The following PTPN1 variants were observed in gnomAD, a reference collection of about 807,000 sequenced individuals.
The protein encoded by PTPN1 is tyrosine-protein phosphatase non-receptor type 1.
PTPN1 carries 12 observed loss-of-function variants against 59.9 expected under a neutral mutation model. That is an observed-to-expected ratio of 0.20 (90% CI 0.13 to 0.32). PTPN1 has a LOEUF of 0.32. Among genes scored for constraint, PTPN1 ranks in the 10% least tolerant of loss-of-function variants. The pLI is 1.00. For missense variants in PTPN1, 356 were observed against 549.2 expected (o/e 0.65, Z 3.52); for synonymous variants, 178 against 203.6 (o/e 0.87, Z 1.07).
intron 1 of PTPN1, among the ~76,000 whole-genome samples, chr20:50,521,406 T>C (rs1351595282): frequency 1.3e-5 from 2 of 152,256 alleles, no homozygotes; most frequent in Non-Finnish European, 2.9e-5. Context: ...TATTATATAC[T>C]GTCAATTGGT....
In PTPN1 at chr20:50,582,846, T is replaced by C. The variant is rs1044973883; in HGVS notation, c.*131T>C. The C allele has an allele frequency of 5.3e-6, 6 of 1,129,164 alleles. No individual in the cohort carries two copies. Among genetic ancestry groups the C allele is most frequent in the Non-Finnish European group, 7.8e-6 (6 of 773,454 alleles). The allele number at this position is 1,129,164 out of a possible 1,614,324, so 69.9% of individuals were successfully genotyped here. A position where few individuals can be genotyped will look rare whatever the true frequency, so the allele number is the denominator to read the frequency against. On this transcript the variant is annotated 3_prime_UTR_variant, in exon 10 of 10. Coordinates refer to ENST00000371621, the MANE Select transcript of PTPN1 (RefSeq NM_002827.4). This position sits in a 1 kb window ranked among gnomAD's most constrained non-coding sequence, Gnocchi z 4.2. ...AGAGAGCCGGGCCCCGGACGGACGT[T>C]GGTTCTGCACTAAAACCCATCTTCC...
At chr20:50,561,716 A>T (rs551314013) in intron 2 of PTPN1, among the ~76,000 whole-genome samples, 1 of 152,270 alleles carries the variant, frequency 6.6e-6, no homozygotes, top group South Asian at 2.1e-4. Context: ...TGTTTTTGTG[A>T]TGAATCATTT....
chr20:50,582,972 A>C lies in PTPN1; in HGVS notation c.*257A>C, dbSNP rs536771363. ...TTTGAGGAGAGTGAAAGAGAGTACC[A>C]TGCTGGCGGCGCAGAGGGAAGGGGC... is the stretch of plus-strand genomic sequence containing the variant. On this transcript the variant is annotated 3_prime_UTR_variant, in exon 10 of 10. Transcript: ENST00000371621. The surrounding 1 kb of genome is among the most constrained non-coding windows in gnomAD (Gnocchi z 4.2). 5.8e-5 allele frequency: 32 copies of C among 551,430 alleles called. No homozygotes were observed. In the East Asian group the frequency reaches 9.1e-4, roughly 16 times the overall value. 34.2% of individuals were successfully genotyped at this position (551,430 alleles called of 1,614,324 possible). A position where few individuals can be genotyped will look rare whatever the true frequency, so the allele number is the denominator to read the frequency against.
At position 50,510,571 on chromosome 20, in the gene PTPN1, G is replaced by A. The variant is rs1401777841; in HGVS notation, c.44G>A (p.Ser15Asn). 11 of 1,550,880 alleles carry A rather than the reference G, an allele frequency of 7.1e-6. No homozygotes were observed. In the East Asian group the frequency reaches 2.7e-4, roughly 38 times the overall value. ...TTCGAGCAGATCGACAAGTCCGGGA[G>A]CTGGGCGGCCATTTACCAGGTGCGG... Reference protein sequence around the residue: ...KEFEQIDKSGSWAAIYQDIRH... With the variant: ...KEFEQIDKSGNWAAIYQDIRH... The change falls in exon 1 of 10, where the codon AGC becomes AAC. Residue 15 changes from serine (S) to asparagine (N), a missense_variant. By Grantham distance (46) the Ser-to-Asn change is conservative. Transcript: ENST00000371621.
chr20:50,582,877 T>A lies in PTPN1; in HGVS notation c.*162T>A. 1.3e-6 allele frequency: 1 copy of A among 763,342 alleles called. No homozygotes were observed. Among genetic ancestry groups the A allele is most frequent in the Non-Finnish European group, 2.2e-6 (1 of 461,352 alleles). 47.3% of individuals were successfully genotyped at this position (763,342 alleles called of 1,614,324 possible). ...TGCACTAAAACCCATCTTCCCCGGATGTGTGTCTCACCCCTCATCCTTTTA... is the reference window on the plus strand; with the variant it reads ...TGCACTAAAACCCATCTTCCCCGGAAGTGTGTCTCACCCCTCATCCTTTTA... On this transcript the variant is annotated 3_prime_UTR_variant, in exon 10 of 10. Transcript: ENST00000371621. The surrounding 1 kb of genome is among the most constrained non-coding windows in gnomAD (Gnocchi z 4.2).
chr20:50,527,974 C>T (rs996165344), intron 1 of PTPN1, among the ~76,000 whole-genome samples: 2 of 152,134 alleles, frequency 1.3e-5, no homozygotes, highest in Admixed American at 6.5e-5. Context: ...GATGTAGCAT[C>T]GGCCCTTGAA....
chr20:50,581,636 T>C (rs1029310344), intron 9 of PTPN1, among the ~76,000 whole-genome samples, 176 bp downstream of exon 9: 3 of 152,194 alleles, frequency 2.0e-5, no homozygotes, highest in Non-Finnish European at 4.4e-5. Flanking sequence ...TAAGGATCGA[T>C]GCACTGGGGT....
chr20:50,554,381 TCTCTC>T lies in PTPN1; in HGVS notation c.64-6981_64-6977del, dbSNP rs201691894. 3.1e-4 allele frequency among the ~76,000 whole-genome samples: 6 copies of T among 19,362 alleles called. 1 individual carries two copies. In the East Asian group the frequency reaches 8.0e-3, roughly 26 times the overall value. The allele number at this position is 19,362 out of a possible 152,430, so 12.7% of individuals were successfully genotyped here. A position where few individuals can be genotyped will look rare whatever the true frequency, so the allele number is the denominator to read the frequency against. ...CAGCCTAGGCAACAGCAAGACCACA[TCTCTC>T]TCTCTCTCTCTCTCTCTCTCTCAAA... On this transcript the variant is annotated intron_variant, in intron 1 of 9. Coordinates refer to ENST00000371621, the MANE Select transcript of PTPN1 (RefSeq NM_002827.4).
Position 50,571,752 on chromosome 20 carries a change from T to C in PTPN1, c.355-2765T>C, listed in dbSNP as rs920026021. ...AGTTCTCACTGGTTCTGTTTAAGGA[T>C]TGACTTTAGACACCTCAGTGTAGGC... is the stretch of plus-strand genomic sequence containing the variant. On this transcript the variant is annotated intron_variant, in intron 4 of 9. Transcript: ENST00000371621. 3.9e-5 allele frequency: 6 copies of C among 152,190 alleles called. No individual in the cohort carries two copies. The East Asian group carries it at 1.2e-3, about 29-fold the overall frequency. 9.4% of individuals were successfully genotyped at this position (152,190 alleles called of 1,614,324 possible).
chr20:50,539,026 C>CTTTTTT (rs71190576), intron 1 of PTPN1, among the ~76,000 whole-genome samples: 2 of 85,294 alleles, frequency 2.3e-5, no homozygotes, highest in Non-Finnish European at 4.5e-5. Context: ...CTTCTCAATT[C>CTTTTTT]TTTTTTTTTT....
At chr20:50,569,758 C>G (rs2082798552) in intron 4 of PTPN1, among the ~76,000 whole-genome samples, 1 of 151,868 alleles carries the variant, frequency 6.6e-6, no homozygotes, top group Non-Finnish European at 1.5e-5. Flanking sequence ...TAGACTGTCT[C>G]TGTAGACCGT....
rs945858069 is a variant in PTPN1 at position 50,579,599 on chromosome 20, C to G, written c.865-104C>G. On this transcript the variant is annotated intron_variant, in intron 7 of 9. Transcript: ENST00000371621. The stretch of plus-strand genomic sequence containing the variant: ...GTACATGGCTGCAGCCCTGAGAGGC[C>G]GAGAGCCCCTCGCCAAGCCGTCACC... 23 of 1,070,644 alleles carry G rather than the reference C, an allele frequency of 2.1e-5. 1 individual carries two copies. In the South Asian group the frequency reaches 3.0e-4, roughly 14 times the overall value. 66.3% of individuals were successfully genotyped at this position (1,070,644 alleles called of 1,614,324 possible).
rs560465792 is a variant in PTPN1, at chr20:50,521,653, A to C, written c.63+11063A>C. Among the ~76,000 whole-genome samples the C allele has an allele frequency of 8.5e-5, 13 of 152,314 alleles. No homozygotes were observed. In the East Asian group the frequency reaches 2.5e-3, roughly 29 times the overall value. ...TGCCTAGTTTTCTAACCTCTTTCCT[A>C]GATGTCACAAATTGGCCACCCACAG... On this transcript the variant is annotated intron_variant, in intron 1 of 9. Transcript: ENST00000371621.
At chr20:50,511,298 G>C (rs1568769938) in intron 1 of PTPN1, among the ~76,000 whole-genome samples, 1 of 152,132 alleles carries the variant, frequency 6.6e-6, no homozygotes, top group Admixed American at 6.5e-5. Flanking sequence ...TCCTAACGGG[G>C]TACAGGGTGA....
At chr20:50,559,732 G>A (rs1229376543) in intron 1 of PTPN1, among the ~76,000 whole-genome samples, 1 of 151,770 alleles carries the variant, frequency 6.6e-6, no homozygotes, top group Non-Finnish European at 1.5e-5. Context: ...TTGTTTTTAA[G>A]TTTCGAGAGA....
chr20:50,552,214 A>G (rs888184852), intron 1 of PTPN1, among the ~76,000 whole-genome samples: 1 of 152,048 alleles, frequency 6.6e-6, no homozygotes, highest in Non-Finnish European at 1.5e-5. Context: ...AGGTCCTATC[A>G]CCCCTCAATT....
At chr20:50,536,318 G>A (rs1425222195) in intron 1 of PTPN1, among the ~76,000 whole-genome samples, 1 of 152,116 alleles carries the variant, frequency 6.6e-6, no homozygotes, top group Non-Finnish European at 1.5e-5. Flanking sequence ...AATGTATTCC[G>A]TGAATGCAGT....
At chr20:50,550,633 T>C (rs2082698099) in intron 1 of PTPN1, among the ~76,000 whole-genome samples, 1 of 152,252 alleles carries the variant, frequency 6.6e-6, no homozygotes, top group African/African-American at 2.4e-5. Context: ...AATGTTGGTA[T>C]ATTGTTAAGG....
At position 50,582,581 on chromosome 20, in the gene PTPN1, T is replaced by C; in HGVS notation, c.1285-111T>C. On this transcript the variant is annotated intron_variant, in intron 9 of 9. Coordinates refer to ENST00000371621, the MANE Select transcript of PTPN1 (RefSeq NM_002827.4). This position sits in a 1 kb window ranked among gnomAD's most constrained non-coding sequence, Gnocchi z 4.2. ...GTAAAAAATAAAACCAAAACCCCCT[T>C]TGCTCCCTCGGAGGTTGAAGTTGCC... 9.1e-7 allele frequency: 1 copy of C among 1,097,638 alleles called. No individual in the cohort carries two copies. Among genetic ancestry groups the C allele is most frequent in the East Asian group, 2.5e-5 (1 of 39,426 alleles). The allele number at this position is 1,097,638 out of a possible 1,614,324, so 68.0% of individuals were successfully genotyped here. A position where few individuals can be genotyped will look rare whatever the true frequency, so the allele number is the denominator to read the frequency against.
Sources: gnomAD v4.1 joint callset for allele counts (sites outside exome capture counted in the v4.1 genomes callset) on GRCh38, gnomAD v4.1.1 for gene constraint, Gnocchi (gnomAD v3.1) non-coding constraint, MANE v1.5 for transcripts, NCBI Gene and HGNC (gene_info 2026-07-23, HGNC 2026-07-21) for gene names.